DGKB: variants seen among roughly 807,000 people sequenced by gnomAD.
The protein encoded by DGKB is diacylglycerol kinase beta, also known as 90 kDa diacylglycerol kinase.
A neutral mutation model predicts 114.3 loss-of-function variants in DGKB; 67 were observed. The observed-to-expected ratio is 0.59, with a 90% CI of 0.48 to 0.72. The LOEUF (loss-of-function observed/expected upper bound fraction) is 0.72. Ranked by LOEUF, DGKB falls within the 30% of genes least tolerant of loss-of-function variation. The pLI is 0.00. For missense variants in DGKB, 907 were observed against 975.2 expected, an observed-to-expected ratio of 0.93 and a Z score of 0.93; for synonymous variants, 398 against 323.1, an observed-to-expected ratio of 1.23 and a Z score of -2.49.
At chr7:14,825,016 GTATATATATATATATATATATATATA>G (rs67135250) in intron 2 of DGKB, among the ~76,000 whole-genome samples, 14 of 92,412 alleles carry the variant, frequency 1.5e-4, no homozygotes, top group East Asian at 6.7e-4. Context: ...GTATGTGTAT[GTATATATATATATATATATATATATA>G]TATATATATA....
intron 20 of DGKB, among the ~76,000 whole-genome samples, chr7:14,558,572 A>G (rs1404669634): frequency 2.0e-5 from 3 of 152,170 alleles, no homozygotes; most frequent in Non-Finnish European, 2.9e-5. Flanking sequence ...TTGTGGCCAC[A>G]TGTGTAATTG....
chr7:14,185,202 C>G (rs1192030490), intron 23 of DGKB, among the ~76,000 whole-genome samples: 2 of 152,118 alleles, frequency 1.3e-5, no homozygotes, highest in Admixed American at 1.3e-4. Flanking sequence ...GTACACAAAT[C>G]AGTAGCTCTT....
intron 13 of DGKB, among the ~76,000 whole-genome samples, chr7:14,666,054 A>T (rs1817963979): frequency 6.6e-6 from 1 of 151,976 alleles, no homozygotes; most frequent in South Asian, 2.1e-4. Flanking sequence ...CATAAAAATA[A>T]ACAACTTATA....
chr7:14,871,236 G>A (rs939420068), intron 1 of DGKB, among the ~76,000 whole-genome samples: 5 of 152,126 alleles, frequency 3.3e-5, no homozygotes, highest in African/African-American at 1.2e-4. Context: ...CCGCATATAT[G>A]TATCATTTCT....
At chr7:14,776,114 T>C (rs974067596) in intron 2 of DGKB, among the ~76,000 whole-genome samples, 113 of 152,264 alleles carry the variant, frequency 7.4e-4, no homozygotes, top group African/African-American at 2.6e-3. Context: ...CCAAAGAGAC[T>C]GGCAGCATTT....
intron 23 of DGKB, among the ~76,000 whole-genome samples, chr7:14,261,034 A>C (rs1014212900): frequency 1.3e-4 from 20 of 152,162 alleles, no homozygotes; most frequent in African/African-American, 4.8e-4. Context: ...AATAAATGAC[A>C]AACCCTATCC....
intron 1 of DGKB, among the ~76,000 whole-genome samples, chr7:14,909,715 C>G (rs73057002): frequency 6.6e-6 from 1 of 151,878 alleles, no homozygotes; most frequent in Non-Finnish European, 1.5e-5. Context: ...TGGGATGACC[C>G]GAATTCAGAA....
chr7:14,924,363 G>C (rs1257791111), intron 1 of DGKB, among the ~76,000 whole-genome samples: 1 of 152,100 alleles, frequency 6.6e-6, no homozygotes, highest in Non-Finnish European at 1.5e-5. Flanking sequence ...ATTTCACTAT[G>C]AAATTGGTTT....
At chr7:14,733,280 A>G (rs73064703) in intron 5 of DGKB, among the ~76,000 whole-genome samples, 2,862 of 152,342 alleles carry the variant, frequency 0.019, 30 homozygotes, top group Non-Finnish European at 0.026. Context: ...AAATGATGAT[A>G]AACATATTAG....
chr7:14,807,187 G>A (rs946653371), intron 2 of DGKB, among the ~76,000 whole-genome samples: 2 of 151,992 alleles, frequency 1.3e-5, no homozygotes, highest in African/African-American at 4.8e-5. Context: ...GTCAATTAGA[G>A]TTTTGTTTCT....
chr7:14,158,196 G>T (rs1401609154), intron 25 of DGKB, among the ~76,000 whole-genome samples: 2 of 152,112 alleles, frequency 1.3e-5, no homozygotes, highest in African/African-American at 2.4e-5. Flanking sequence ...ATTATTTTTA[G>T]TGTTACTATA....
chr7:14,868,757 C>T (rs1852043293), intron 1 of DGKB, among the ~76,000 whole-genome samples: 1 of 152,148 alleles, frequency 6.6e-6, no homozygotes. Context: ...GGTAAATTTT[C>T]CTTCTTAACT....
chr7:14,878,676 G>A (rs575450447), intron 1 of DGKB, among the ~76,000 whole-genome samples: 11 of 150,870 alleles, frequency 7.3e-5, no homozygotes, highest in Non-Finnish European at 1.6e-4. Context: ...GTGAACCCGG[G>A]AGGCGGAGCT....
At chr7:14,785,015 T>C (rs1241134669) in intron 2 of DGKB, among the ~76,000 whole-genome samples, 1 of 152,214 alleles carries the variant, frequency 6.6e-6, no homozygotes, top group Non-Finnish European at 1.5e-5. Flanking sequence ...CACAGTAACT[T>C]GTCCATTATC....
At chr7:14,671,320 A>C (rs1043534841) in intron 13 of DGKB, among the ~76,000 whole-genome samples, 4 of 152,146 alleles carry the variant, frequency 2.6e-5, no homozygotes, top group African/African-American at 9.7e-5. Flanking sequence ...AAAGGTAGAC[A>C]TTTTGGAAGG....
chr7:14,169,838 G>A (rs1219989347), intron 25 of DGKB, among the ~76,000 whole-genome samples: 1 of 151,958 alleles, frequency 6.6e-6, no homozygotes, highest in African/African-American at 2.4e-5. Context: ...ATTAGTATTA[G>A]AAATACATTA....
chr7:14,284,447 G>C (rs1406416878), intron 23 of DGKB, among the ~76,000 whole-genome samples: 1 of 145,574 alleles, frequency 6.9e-6, no homozygotes, highest in Non-Finnish European at 1.5e-5. Flanking sequence ...GTGGAAGTCA[G>C]TGTGGTGATT....
intron 6 of DGKB, among the ~76,000 whole-genome samples, chr7:14,705,297 TC>T (rs1310554707): frequency 6.7e-6 from 1 of 149,450 alleles, no homozygotes; most frequent in Non-Finnish European, 1.5e-5. Flanking sequence ...GAGCAAAGCC[TC>T]CAAGAAATAT....
chr7:14,718,820 G>T, intron 5 of DGKB, 135 bp from the exon 6 acceptor site: 1 of 643,914 alleles, frequency 1.6e-6, no homozygotes, highest in Non-Finnish European at 2.6e-6. Flanking sequence ...CAAATTCTCT[G>T]TAAGATCGGT....
Sources: gnomAD v4.1 joint callset for allele counts (sites outside exome capture counted in the v4.1 genomes callset) on GRCh38, gnomAD v4.1.1 for gene constraint, MANE v1.5 for transcripts, NCBI Gene and HGNC (gene_info 2026-07-23, HGNC 2026-07-21) for gene names.